PCCA: variants seen among roughly 807,000 people sequenced by gnomAD.
PCCA encodes propionyl-CoA carboxylase alpha chain, mitochondrial.
In PCCA, 74 loss-of-function variants were observed where a neutral mutation model predicts 101.3. The observed-to-expected ratio is 0.73, with a 90% confidence interval of 0.61 to 0.89. The LOEUF (loss-of-function observed/expected upper bound fraction) is 0.89, where lower values mean the gene tolerates loss of function less well. Among genes scored for constraint, PCCA ranks in the 40% least tolerant of loss-of-function variants. The pLI, the probability that PCCA is intolerant of heterozygous loss-of-function variation, is 0.00. For synonymous variants in PCCA, 294 were observed against 313.6 expected (o/e 0.94, Z 0.66); for missense variants, 891 against 907.0 (o/e 0.98, Z 0.23).
At chr13:100,227,042 C>T (rs916191419) in intron 7 of PCCA, among the ~76,000 whole-genome samples, 2 of 152,184 alleles carry the variant, frequency 1.3e-5, no homozygotes, top group Non-Finnish European at 2.9e-5. Flanking sequence ...CTTGCTCTGT[C>T]GCCCATACTG....
intron 20 of PCCA, among the ~76,000 whole-genome samples, chr13:100,440,490 C>T (rs2080291645): frequency 6.6e-6 from 1 of 151,288 alleles, no homozygotes; most frequent in Admixed American, 6.6e-5. Context: ...AGCTCCCACA[C>T]CCTCCAAGAA....
At chr13:100,186,794 C>A (rs1270937746) in intron 6 of PCCA, among the ~76,000 whole-genome samples, 2 of 150,106 alleles carry the variant, frequency 1.3e-5, no homozygotes, top group Non-Finnish European at 3.0e-5. Flanking sequence ...TAGAAGAAAT[C>A]TGAGAATGTT....
chr13:100,150,758 A>T, intron 4 of PCCA: 1 of 1,589,382 alleles, frequency 6.3e-7, no homozygotes, highest in Non-Finnish European at 8.6e-7. Flanking sequence ...CAGGACTCTC[A>T]AAGCCCCACA....
intron 12 of PCCA, among the ~76,000 whole-genome samples, chr13:100,298,227 G>T (rs1026065148): frequency 2.6e-5 from 4 of 152,108 alleles, no homozygotes. Flanking sequence ...TTGAGGCATT[G>T]TTTCCAAAAG....
intron 7 of PCCA, among the ~76,000 whole-genome samples, chr13:100,219,506 G>T (rs1238040941): frequency 8.5e-5 from 13 of 152,130 alleles, no homozygotes; most frequent in Non-Finnish European, 1.8e-4. Flanking sequence ...CTTGGCTAAA[G>T]GTCCAAAGGT....
intron 19 of PCCA, among the ~76,000 whole-genome samples, chr13:100,388,565 G>T (rs1039693069): frequency 3.9e-5 from 6 of 152,220 alleles, no homozygotes; most frequent in Non-Finnish European, 8.8e-5. Context: ...GGAGGCCGAG[G>T]TGGGCAGATC....
At chr13:100,487,900 A>T (rs997732399) in intron 21 of PCCA, among the ~76,000 whole-genome samples, 9 of 65,486 alleles carry the variant, frequency 1.4e-4, no homozygotes, top group Non-Finnish European at 2.0e-4. Flanking sequence ...TAATTAAAAT[A>T]AAAAAAAAAT....
At chr13:100,288,944 T>C (rs1008823257) in intron 12 of PCCA, among the ~76,000 whole-genome samples, 3 of 152,190 alleles carry the variant, frequency 2.0e-5, no homozygotes, top group African/African-American at 7.2e-5. Flanking sequence ...GCAACCAGCT[T>C]CTTATTTACT....
intron 19 of PCCA, among the ~76,000 whole-genome samples, chr13:100,385,333 A>G (rs2076438495): frequency 6.6e-6 from 1 of 152,242 alleles, no homozygotes; most frequent in Non-Finnish European, 1.5e-5. Flanking sequence ...AGTGAAGCCA[A>G]CAGGTAAGCC....
Position 100,340,549 on chromosome 13 carries a change from T to C in PCCA, c.1643+290T>C, listed in dbSNP as rs541276012. Among the ~76,000 whole-genome samples, 8 of 152,370 alleles carry C rather than the reference T, an allele frequency of 5.3e-5. No homozygotes were observed. The South Asian group carries it at 1.7e-3, about 32-fold the overall frequency. ...CCATTCGAGTAGTTTGTGTTTATGA[T>C]TTCTGTTTTATTTACTTATCTTGAA... On this transcript the variant is annotated intron_variant, in intron 18 of 23. Transcript: ENST00000376285.
intron 21 of PCCA, among the ~76,000 whole-genome samples, chr13:100,451,576 T>C (rs2081231532): frequency 6.6e-6 from 1 of 152,122 alleles, no homozygotes; most frequent in Non-Finnish European, 1.5e-5. Context: ...CTAATCGGTT[T>C]CTCAACTTCA....
At chr13:100,311,235 T>G (rs1444165792) in intron 16 of PCCA, among the ~76,000 whole-genome samples, 12 of 112,800 alleles carry the variant, frequency 1.1e-4, no homozygotes, top group African/African-American at 4.2e-4. Context: ...TCCGTCTCAA[T>G]GAAAAAAAAA....
chr13:100,307,635 G>C (rs1438116422), intron 15 of PCCA, among the ~76,000 whole-genome samples: 2 of 152,166 alleles, frequency 1.3e-5, no homozygotes, highest in African/African-American at 2.4e-5. Flanking sequence ...TGGGCTGATA[G>C]GCAGTGTTTG....
At chr13:100,314,300 C>A (rs7338869) in intron 16 of PCCA, among the ~76,000 whole-genome samples, 25,488 of 152,084 alleles carry the variant, frequency 0.17, 3,409 homozygotes, top group African/African-American at 0.37. Context: ...AGCATCCATG[C>A]CCTCTCCAGG....
Position 100,366,562 on chromosome 13 carries a change from G to A in PCCA, c.1644-1910G>A, listed in dbSNP as rs999983965. Among the ~76,000 whole-genome samples the A allele has an allele frequency of 7.9e-5, 12 of 152,074 alleles. No individual in the cohort carries two copies. In the South Asian group the frequency reaches 1.9e-3, roughly 24 times the overall value. ...AATAAAGGTGCTAAGAAAAAAAAGA[G>A]GAATACTGGCACAGAAGCCCTTTCT... On this transcript the variant is annotated intron_variant, in intron 18 of 23. Transcript: ENST00000376285.
At chr13:100,181,234 A>G (rs2056754791) in intron 6 of PCCA, among the ~76,000 whole-genome samples, 1 of 152,188 alleles carries the variant, frequency 6.6e-6, no homozygotes, top group African/African-American at 2.4e-5. Context: ...GGTATGTGTT[A>G]TGGCAAGAAG....
At chr13:100,264,037 ACGG>A (rs1566822660) in intron 10 of PCCA, among the ~76,000 whole-genome samples, 20 of 148,844 alleles carry the variant, frequency 1.3e-4, no homozygotes, top group Admixed American at 6.1e-4. Flanking sequence ...TCGTATATAT[ACGG>A]TATCTGTATA....
Position 100,102,034 on chromosome 13 carries a change from G to A in PCCA, c.106-849G>A, listed in dbSNP as rs9585346. Among the ~76,000 whole-genome samples, 1,487 of 152,136 alleles carry A rather than the reference G, an allele frequency of 9.8e-3. 25 individuals carry two copies. Among genetic ancestry groups the A allele is most frequent in the African/African-American group, 0.025 (1,056 of 41,492 alleles). ...GGTACCTGTTGGTTGCCTTTTGCTG[G>A]TTTTTTTCCTCCATTTTTTTCCTTC... is the stretch of plus-strand genomic sequence containing the variant. On this transcript the variant is annotated intron_variant, in intron 1 of 23. Coordinates refer to ENST00000376285, the MANE Select transcript of PCCA (RefSeq NM_000282.4).
chr13:100,148,136 C>A (rs941487745), intron 4 of PCCA, among the ~76,000 whole-genome samples: 56 of 152,138 alleles, frequency 3.7e-4, no homozygotes, highest in African/African-American at 1.3e-3. Context: ...CTCTGTTAGC[C>A]AGGATGGAGT....
Sources: gnomAD v4.1 joint callset for allele counts (sites outside exome capture counted in the v4.1 genomes callset) on GRCh38, gnomAD v4.1.1 for gene constraint, MANE v1.5 for transcripts, NCBI Gene and HGNC (gene_info 2026-07-23, HGNC 2026-07-21) for gene names.